Variants in IL34 observed in about 807,000 individuals in gnomAD.
IL34 encodes interleukin-34.
Under a neutral mutation model 25.3 loss-of-function variants are expected in IL34, and 17 were observed. The ratio of observed to expected loss-of-function variants is 0.67; its 90% CI spans 0.46 to 1.01. The LOEUF is 1.01. Among genes scored for constraint, IL34 ranks in the 50% least tolerant of loss-of-function variants. The probability of loss-of-function intolerance (pLI) is 0.00; values close to 1 mark genes in which losing one functional copy is unlikely to be tolerated. For synonymous variants in IL34, 174 were observed against 140.9 expected (o/e 1.23, Z -1.66); for missense variants, 368 against 312.9 (o/e 1.18, Z -1.33).
chr16:70,632,730 G>A (rs898002160), intron 1 of IL34, among the ~76,000 whole-genome samples: 1 of 152,272 alleles, frequency 6.6e-6, no homozygotes, highest in Admixed American at 6.5e-5. Context: ...TGACAGATGA[G>A]CAAGAAGGGA....
chr16:70,653,530 C>A (rs897065652), intron 1 of IL34, among the ~76,000 whole-genome samples: 2 of 152,018 alleles, frequency 1.3e-5, no homozygotes, highest in Non-Finnish European at 2.9e-5. Context: ...GATACCAGGT[C>A]TCTACAAAAA....
At chr16:70,620,618 G>C (rs1310041890) in intron 1 of IL34, among the ~76,000 whole-genome samples, 1 of 152,102 alleles carries the variant, frequency 6.6e-6, no homozygotes, top group Non-Finnish European at 1.5e-5. Context: ...GGAAGATTTG[G>C]TACGAGTTGC....
chr16:70,605,468 C>T (rs1259882893), intron 1 of IL34, among the ~76,000 whole-genome samples: 3 of 152,148 alleles, frequency 2.0e-5, no homozygotes, highest in African/African-American at 2.4e-5. Context: ...AGTTCCAGAA[C>T]TTTTCATCAT....
chr16:70,660,506 A>C lies in IL34; in HGVS notation c.*319A>C. On this transcript the variant is annotated 3_prime_UTR_variant, in exon 6 of 6. Transcript: ENST00000288098. ...TACTGAGCCTCCTGTGGCCCGCAGC[A>C]GTGAGGGCACAGCTGTGGGTTGCAG... 3.7e-6 allele frequency: 1 copy of C among 273,954 alleles called. No homozygotes were observed. The highest frequency in any genetic ancestry group is 6.8e-6 in the Non-Finnish European group (1 of 146,510). The allele number at this position is 273,954 out of a possible 1,614,324, so 17.0% of individuals were successfully genotyped here. A position where few individuals can be genotyped will look rare whatever the true frequency, so the allele number is the denominator to read the frequency against.
chr16:70,639,098 C>G (rs2051722424), intron 1 of IL34, among the ~76,000 whole-genome samples: 1 of 152,180 alleles, frequency 6.6e-6, no homozygotes, highest in Non-Finnish European at 1.5e-5. Flanking sequence ...CCTGAGAACA[C>G]TCCAGCTTGG....
chr16:70,615,143 C>T (rs1317661249), intron 1 of IL34, among the ~76,000 whole-genome samples: 1 of 152,142 alleles, frequency 6.6e-6, no homozygotes, highest in East Asian at 1.9e-4. Context: ...TGCATTTTTG[C>T]AACTTATTTT....
At chr16:70,586,389 A>G (rs1312707108) in intron 1 of IL34, among the ~76,000 whole-genome samples, 2 of 152,226 alleles carry the variant, frequency 1.3e-5, no homozygotes, top group Non-Finnish European at 2.9e-5. Context: ...GGCAACATGG[A>G]AAGACTTCGT....
intron 1 of IL34, among the ~76,000 whole-genome samples, chr16:70,622,061 C>T (rs145058884): frequency 6.6e-6 from 1 of 151,892 alleles, no homozygotes; most frequent in Admixed American, 6.6e-5. Flanking sequence ...AGAGGCCTGA[C>T]AGGTTTCACT....
chr16:70,658,032 G>T (rs1486207462), intron 4 of IL34, among the ~76,000 whole-genome samples: 2 of 152,178 alleles, frequency 1.3e-5, no homozygotes, highest in South Asian at 2.1e-4. Flanking sequence ...ACCCATGCAG[G>T]CCGTGTGTGC....
chr16:70,645,483 G>A (rs115342810), upstream of IL34, among the ~76,000 whole-genome samples: 756 of 152,302 alleles, frequency 5.0e-3, 3 homozygotes, highest in African/African-American at 0.017. Flanking sequence ...AATCAGAGAC[G>A]GAATTCCAGC....
chr16:70,646,359 T>G (rs1224291122), upstream of IL34, among the ~76,000 whole-genome samples: 1 of 152,144 alleles, frequency 6.6e-6, no homozygotes, highest in East Asian at 1.9e-4. Context: ...TGCCAGCTGG[T>G]GTCATCATAA....
intron 1 of IL34, among the ~76,000 whole-genome samples, chr16:70,581,243 C>G (rs144640277): frequency 1.5e-3 from 222 of 152,222 alleles, no homozygotes; most frequent in African/African-American, 4.5e-3. Context: ...TGCACATAAA[C>G]CAACTAACTA....
intron 1 of IL34, among the ~76,000 whole-genome samples, chr16:70,650,308 C>G (rs1446188634): frequency 1.3e-5 from 2 of 152,180 alleles, no homozygotes; most frequent in East Asian, 3.9e-4. Flanking sequence ...GAAACTTGCC[C>G]TTAGCAATGA....
chr16:70,588,815 A>G (rs77057839), intron 1 of IL34, among the ~76,000 whole-genome samples: 2,218 of 152,302 alleles, frequency 0.015, 61 homozygotes, highest in African/African-American at 0.051. Flanking sequence ...TAAATACTGT[A>G]TGATTCTACT....
chr16:70,641,939 A>G (rs910660313), upstream of IL34, among the ~76,000 whole-genome samples: 1 of 152,210 alleles, frequency 6.6e-6, no homozygotes, highest in Non-Finnish European at 1.5e-5. Context: ...AAACAATACA[A>G]TCTGAAATGG....
At chr16:70,581,101 G>A (rs189585966) in intron 1 of IL34, among the ~76,000 whole-genome samples, 23 of 151,984 alleles carry the variant, frequency 1.5e-4, no homozygotes, top group African/African-American at 5.1e-4. Context: ...TAGTAGAGAC[G>A]GGCTTTCACC....
At chr16:70,589,122 G>A (rs1474673939) in intron 1 of IL34, among the ~76,000 whole-genome samples, 7 of 152,056 alleles carry the variant, frequency 4.6e-5, no homozygotes, top group Admixed American at 1.3e-4. Context: ...GCTTGAACCC[G>A]GGAGGTGGAG....
chr16:70,633,736 T>C (rs12598945), intron 1 of IL34, among the ~76,000 whole-genome samples: 50,569 of 152,058 alleles, frequency 0.33, 8,560 homozygotes, highest in South Asian at 0.47. Flanking sequence ...TGTGAAGGCT[T>C]GAGGGGAGGA....
intron 1 of IL34, among the ~76,000 whole-genome samples, chr16:70,612,396 C>T (rs1053473334): frequency 6.6e-6 from 1 of 151,618 alleles, no homozygotes; most frequent in Non-Finnish European, 1.5e-5. Flanking sequence ...AGCTGGAATA[C>T]GGTGCAGAGG....
Sources: allele counts gnomAD v4.1 joint callset (sites outside exome capture counted in the v4.1 genomes callset), GRCh38; gene constraint gnomAD v4.1.1; transcripts MANE v1.5; gene names NCBI Gene and HGNC (gene_info 2026-07-23, HGNC 2026-07-21).